The following LARS2 variants were observed in gnomAD, a reference collection of about 807,000 sequenced individuals.
The protein encoded by LARS2 is leucine--tRNA ligase, mitochondrial.
In LARS2, 81 loss-of-function variants were observed where a neutral mutation model predicts 116.6. The observed-to-expected ratio is 0.69, with a 90% CI of 0.58 to 0.84. The LOEUF is 0.84. Among genes scored for constraint, LARS2 ranks in the 40% least tolerant of loss-of-function variants. The probability of loss-of-function intolerance (pLI) is 0.00; values close to 1 mark genes in which losing one functional copy is unlikely to be tolerated. For missense variants in LARS2, 968 were observed against 1,114.5 expected (o/e 0.87, Z 1.87); for synonymous variants, 396 against 407.2 (o/e 0.97, Z 0.33).
Position 45,523,992 on chromosome 3 carries a change from C to G in LARS2, c.2293-5C>G. On this transcript the variant is annotated splice_polypyrimidine_tract_variant and splice_region_variant and intron_variant, in intron 19 of 21. Transcript: ENST00000645846. ...GTCTTCTTACTTTTTTTTCCTCTTC[C>G]TTAGCAAGCCTCTCAGAGCGTCATT... 3.1e-6 allele frequency: 5 copies of G among 1,610,500 alleles called. 1 individual carries two copies.
chr3:45,394,321 TA>T, intron 2 of LARS2, 111 bp from the exon 3 acceptor site: 5 of 621,848 alleles, frequency 8.0e-6, no homozygotes, highest in Non-Finnish European at 8.6e-6. Flanking sequence ...AAGAAATTAT[TA>T]AAAGTAAGAG....
At chr3:45,525,682 G>C (rs1357404679) in intron 20 of LARS2, among the ~76,000 whole-genome samples, 1 of 152,154 alleles carries the variant, frequency 6.6e-6, no homozygotes, top group Non-Finnish European at 1.5e-5. Flanking sequence ...GTCATCTTCT[G>C]GGTCTTTCCA....
chr3:45,523,567 C>T (rs1194177197), intron 19 of LARS2, among the ~76,000 whole-genome samples: 1 of 151,446 alleles, frequency 6.6e-6, no homozygotes, highest in Non-Finnish European at 1.5e-5. Context: ...CTCACTGTTG[C>T]CCAAGCTTCA....
intron 20 of LARS2, among the ~76,000 whole-genome samples, chr3:45,534,493 C>T (rs1050290802): frequency 3.9e-5 from 6 of 152,118 alleles, no homozygotes; most frequent in Non-Finnish European, 7.4e-5. Context: ...AAACACTTAC[C>T]TTTCATATAC....
Position 45,548,911 on chromosome 3 carries a change from T to G in LARS2, c.*1381T>G, listed in dbSNP as rs1700910504. The G allele has an allele frequency of 6.6e-6, 1 of 152,234 alleles. No individual in the cohort carries two copies. The highest frequency in any genetic ancestry group is 1.5e-5 in the Non-Finnish European group (1 of 68,040). The allele number at this position is 152,234 out of a possible 1,614,324, so 9.4% of individuals were successfully genotyped here. On this transcript the variant is annotated 3_prime_UTR_variant, in exon 22 of 22. Coordinates refer to ENST00000645846, the MANE Select transcript of LARS2 (RefSeq NM_015340.4). The stretch of plus-strand genomic sequence containing the variant: ...AGTTAATTACAAACAGATTGAGGTA[T>G]TCCATCATCATCGGAAGCATTGGCT...
At chr3:45,545,618 C>T (rs1311119428) in intron 21 of LARS2, among the ~76,000 whole-genome samples, 4 of 152,216 alleles carry the variant, frequency 2.6e-5, no homozygotes, top group East Asian at 1.9e-4. Flanking sequence ...TGAGGGTGCC[C>T]GAGGCAGCAA....
intron 6 of LARS2, among the ~76,000 whole-genome samples, chr3:45,442,637 G>A (rs1698932138): frequency 6.6e-6 from 1 of 152,056 alleles, no homozygotes; most frequent in African/African-American, 2.4e-5. Context: ...CTCTCCCCTG[G>A]TTGGTCTCCG....
At chr3:45,494,477 A>G (rs1699975286) in intron 13 of LARS2, among the ~76,000 whole-genome samples, 1 of 152,254 alleles carries the variant, frequency 6.6e-6, no homozygotes, top group East Asian at 1.9e-4. Flanking sequence ...AAAGACTTAC[A>G]CTGCCCAAAG....
chr3:45,437,743 C>T (rs1200550412), intron 6 of LARS2, among the ~76,000 whole-genome samples: 3 of 152,170 alleles, frequency 2.0e-5, no homozygotes, highest in Non-Finnish European at 2.9e-5. Flanking sequence ...TACTTTGCAT[C>T]TTAATTCTCT....
chr3:45,444,275 A>T (rs1244017785), intron 6 of LARS2, among the ~76,000 whole-genome samples: 3 of 149,880 alleles, frequency 2.0e-5, no homozygotes, highest in African/African-American at 7.4e-5. Context: ...AGCCTCCCAA[A>T]GTGCTGGGAT....
chr3:45,423,619 T>G (rs140611067), intron 6 of LARS2, among the ~76,000 whole-genome samples: 7 of 152,330 alleles, frequency 4.6e-5, no homozygotes, highest in Non-Finnish European at 1.0e-4. Context: ...TTCTTAACCA[T>G]TATATTTGAT....
chr3:45,432,103 A>G (rs1698726440), intron 6 of LARS2, among the ~76,000 whole-genome samples: 1 of 152,208 alleles, frequency 6.6e-6, no homozygotes, highest in South Asian at 2.1e-4. Flanking sequence ...TAATACAATA[A>G]GGTATAACTA....
chr3:45,464,205 G>T (rs1017631944), intron 8 of LARS2, among the ~76,000 whole-genome samples: 1 of 152,224 alleles, frequency 6.6e-6, no homozygotes, highest in Admixed American at 6.5e-5. Context: ...CATGGGGCTG[G>T]AGGAAAGAGG....
chr3:45,403,112 C>CAA lies in LARS2; in HGVS notation c.363+2757_363+2758dup, dbSNP rs1160287597. Among the ~76,000 whole-genome samples the CAA allele has an allele frequency of 7.8e-3, 664 of 85,334 alleles. 19 individuals carry two copies. Among genetic ancestry groups the CAA allele is most frequent in the East Asian group, 0.064 (136 of 2,110 alleles). 56.0% of individuals were successfully genotyped at this position (85,334 alleles called of 152,430 possible). Reference sequence around the variant, plus strand: ...AAGAGCGAAACTCCGTCTCCAAAGACAAAAAAAAAAAAAAAAAAAGAAAGA... The same window carrying CAA: ...AAGAGCGAAACTCCGTCTCCAAAGACAAAAAAAAAAAAAAAAAAAAAGAAAGA... On this transcript the variant is annotated intron_variant, in intron 4 of 21. Transcript: ENST00000645846.
chr3:45,483,293 C>T (rs190310138), intron 10 of LARS2, among the ~76,000 whole-genome samples: 43 of 152,290 alleles, frequency 2.8e-4, no homozygotes, highest in Middle Eastern at 3.4e-3. Context: ...CACCTCCCAG[C>T]CTCCTGGTAA....
intron 7 of LARS2, among the ~76,000 whole-genome samples, chr3:45,454,745 A>C (rs1455807820): frequency 1.3e-5 from 2 of 152,238 alleles, no homozygotes; most frequent in Non-Finnish European, 2.9e-5. Flanking sequence ...TTGCTTAAAA[A>C]TCAGCATGTT....
chr3:45,470,783 T>G (rs1185825295), intron 8 of LARS2, among the ~76,000 whole-genome samples: 1 of 151,974 alleles, frequency 6.6e-6, no homozygotes, highest in Non-Finnish European at 1.5e-5. Flanking sequence ...AGGGAAGTAT[T>G]GAGGAATTAG....
intron 7 of LARS2, among the ~76,000 whole-genome samples, chr3:45,457,590 A>C (rs1699233801): frequency 6.6e-6 from 1 of 152,202 alleles, no homozygotes; most frequent in Non-Finnish European, 1.5e-5. Context: ...AGGCAGGAGA[A>C]TCGCTTGAAC....
intron 17 of LARS2, 106 bp from the exon 18 acceptor site, chr3:45,517,797 G>A: frequency 5.8e-6 from 5 of 854,856 alleles, no homozygotes; most frequent in Non-Finnish European, 5.5e-6. Flanking sequence ...AGGGTGCAGT[G>A]AAGTGTCACA....
Sources: gnomAD v4.1 joint callset for allele counts (sites outside exome capture counted in the v4.1 genomes callset) on GRCh38, gnomAD v4.1.1 for gene constraint, MANE v1.5 for transcripts, NCBI Gene and HGNC (gene_info 2026-07-23, HGNC 2026-07-21) for gene names.